The following VAC14 variants were observed in gnomAD, a reference collection of about 807,000 sequenced individuals.
VAC14 encodes the protein VAC14 component of PIKFYVE complex, also known as protein VAC14 homolog.
In VAC14, 47 loss-of-function variants were observed where a neutral mutation model predicts 85.3. The ratio of observed to expected loss-of-function variants is 0.55; its 90% CI spans 0.44 to 0.70. VAC14 has a LOEUF of 0.70. VAC14 is among the 30% of genes least tolerant of loss of function. VAC14 has a pLI of 0.00. For missense variants in VAC14, 861 were observed against 1,004.3 expected, an observed-to-expected ratio of 0.86 and a Z score of 1.93; for synonymous variants, 447 against 430.5, an observed-to-expected ratio of 1.04 and a Z score of -0.47.
intron 13 of VAC14, among the ~76,000 whole-genome samples, chr16:70,739,460 C>T (rs1183638236): frequency 6.6e-6 from 1 of 152,216 alleles, no homozygotes; most frequent in Non-Finnish European, 1.5e-5. Context: ...AGAGATGCCC[C>T]CATCACTGCC....
At position 70,786,250 on chromosome 16, in the gene VAC14, T is replaced by C; in HGVS notation, c.220A>G (p.Ile74Val). The change falls in exon 2 of 19, where the codon ATC (isoleucine) becomes GTC (valine). Residue 74 changes from isoleucine to valine, a missense_variant. Ile to Val is a conservative substitution (Grantham distance 29). Transcript: ENST00000261776. ...GCGATGGAGCAGGCGGCCAGGCCGA[T>C]GAGGCCCCCTTTCCGGCTGTGGGGG... ...QHPHSRKGGL[I>V]GLAACSIALG... is the part of the protein sequence containing the mutation. The C allele has an allele frequency of 6.2e-7, 1 of 1,614,234 alleles. No individual in the cohort carries two copies. Among genetic ancestry groups the C allele is most frequent in the Non-Finnish European group, 8.5e-7 (1 of 1,180,036 alleles).
intron 7 of VAC14, among the ~76,000 whole-genome samples, chr16:70,782,623 A>G (rs1222737719): frequency 6.6e-6 from 1 of 152,266 alleles, no homozygotes; most frequent in Admixed American, 6.5e-5. Flanking sequence ...GGAACCACCC[A>G]GGTGACCCAC....
intron 14 of VAC14, among the ~76,000 whole-genome samples, chr16:70,717,264 C>T (rs991061293): frequency 1.3e-5 from 2 of 152,166 alleles, no homozygotes; most frequent in Admixed American, 6.5e-5. Flanking sequence ...CCGAGAGGGC[C>T]GGAGCGAGCC....
Position 70,721,112 on chromosome 16 carries a change from G to C in VAC14, c.1661+10383C>G, listed in dbSNP as rs1321478879. Among the ~76,000 whole-genome samples, 3 of 152,226 alleles carry C rather than the reference G, an allele frequency of 2.0e-5. No individual in the cohort carries two copies. In the East Asian group the frequency reaches 5.8e-4, roughly 29 times the overall value. On this transcript the variant is annotated intron_variant, in intron 14 of 18. Coordinates refer to ENST00000261776, the MANE Select transcript of VAC14 (RefSeq NM_018052.5). ...GAGTCAAAAGGGAGATTCAGACCTG[G>C]AGAGATGTTCACCGTCAAAGTGCCA...
chr16:70,699,834 G>A (rs1052497611), intron 14 of VAC14: 1 of 152,312 alleles, frequency 6.6e-6, no homozygotes, highest in African/African-American at 2.4e-5. Flanking sequence ...TGAGAGGGTG[G>A]TGTGCAGCAC....
intron 9 of VAC14, among the ~76,000 whole-genome samples, chr16:70,778,242 C>A (rs570257732): frequency 3.3e-5 from 5 of 152,154 alleles, no homozygotes; most frequent in Non-Finnish European, 7.3e-5. Context: ...CCGGGCCTCC[C>A]GCGTGGCAGG....
intron 13 of VAC14, among the ~76,000 whole-genome samples, chr16:70,738,300 G>T (rs550084131): frequency 6.6e-6 from 1 of 152,208 alleles, no homozygotes; most frequent in East Asian, 1.9e-4. Flanking sequence ...GCACCAACTC[G>T]GGAACCCACT....
Position 70,762,665 on chromosome 16 carries a change from A to G in VAC14, c.1306-60T>C, listed in dbSNP as rs2032496271. 3 of 1,572,776 alleles carry G rather than the reference A, an allele frequency of 1.9e-6. No homozygotes were observed. Among genetic ancestry groups the G allele is most frequent in the Admixed American group, 1.7e-5 (1 of 58,564 alleles). ...CTCCCTTCGCCCCGGGACTACGTGC[A>G]GTGCAGTGTCCCGCTGGTGTGCACG... On this transcript the variant is annotated intron_variant, in intron 11 of 18. Transcript: ENST00000261776. The surrounding 1 kb of genome is among the most constrained non-coding windows in gnomAD (Gnocchi z 4.1).
intron 12 of VAC14, among the ~76,000 whole-genome samples, chr16:70,753,031 T>C (rs1471210993): frequency 2.0e-5 from 3 of 151,836 alleles, no homozygotes; most frequent in Non-Finnish European, 4.4e-5. Flanking sequence ...TGTGTGTGTG[T>C]GTGTGTGTGT....
rs759682589 is a variant in VAC14, at chr16:70,698,761, T to C, written c.1712A>G (p.Asp571Gly). The C allele has an allele frequency of 6.2e-7, 1 of 1,614,166 alleles. No homozygotes were observed. The highest frequency in any genetic ancestry group is 1.7e-5 in the Admixed American group (1 of 60,030). ...GAGGTCCTCCTCCCGCAGCAGGATG[T>C]CTGCCATTGAGTGGAAGATGTTCTC... ...NAENIFHSMADILLREEDLKF... is the reference protein window; with the variant it reads ...NAENIFHSMAGILLREEDLKF... Residue 571 changes from aspartate to glycine, a missense_variant, in exon 15 of 19, where the codon GAC becomes GGC. Physicochemically the swap from Asp to Gly is moderately conservative, Grantham distance 94. Around this residue, in one of 3 missense-constraint regions of VAC14, gnomAD observed 69 missense variants for 139.0 expected, o/e 0.50. Coordinates refer to ENST00000261776, the MANE Select transcript of VAC14 (RefSeq NM_018052.5).
In VAC14 at chr16:70,786,216, T is replaced by C; in HGVS notation, c.254A>G (p.Lys85Arg). ...CTGTCCCTTGGGTGAAAGGCCCACC[T>C]TGCCCAGTGCGATGGAGCAGGCGGC... ...GLAACSIALG[K>R]DSGLYLKELI... The change falls in exon 2 of 19, where the codon AAG becomes AGG. Residue 85 changes from lysine to arginine, a missense_variant and splice_region_variant. Lys to Arg is a conservative substitution (Grantham distance 26). This residue lies in a region of VAC14 where 629 missense variants were observed against 703.1 expected (regional missense o/e 0.89). Coordinates refer to ENST00000261776, the MANE Select transcript of VAC14 (RefSeq NM_018052.5). 1 of 1,613,978 alleles carries C rather than the reference T, an allele frequency of 6.2e-7. No homozygotes were observed. Among genetic ancestry groups the C allele is most frequent in the Non-Finnish European group, 8.5e-7 (1 of 1,179,942 alleles).
At chr16:70,689,462 C>G in intron 18 of VAC14, 1 of 945,104 alleles carries the variant, frequency 1.1e-6, no homozygotes, top group Non-Finnish European at 1.2e-6. Flanking sequence ...CAGAGCCTGA[C>G]AGTTGCTTCA....
chr16:70,691,612 G>A (rs1339674840), intron 18 of VAC14: 5 of 985,386 alleles, frequency 5.1e-6, no homozygotes, highest in Non-Finnish European at 6.0e-6. Flanking sequence ...GAGCAGCTGG[G>A]GTGGCAACCG....
At chr16:70,692,673 G>GT (rs1460777057) in intron 18 of VAC14, 148 bp downstream of exon 18, 2 of 1,074,446 alleles carry the variant, frequency 1.9e-6, no homozygotes, top group African/African-American at 1.6e-5. Flanking sequence ...AGTGGCTGCG[G>GT]GGGGGATGGT....
intron 15 of VAC14, among the ~76,000 whole-genome samples, 170 bp downstream of exon 15, chr16:70,698,467 G>A (rs903029596): frequency 8.5e-5 from 13 of 152,182 alleles, no homozygotes; most frequent in Non-Finnish European, 1.2e-4. Flanking sequence ...TTAGTGCTGC[G>A]CAGCCACTCA....
rs115757176 is a variant in VAC14 at position 70,703,865 on chromosome 16, T to C, written c.1662-5054A>G. ...ACAGCCTTGCCCATGAACATTCCCT[T>C]TGGGGCAGCCTCCAAGGCCAAGGCT... On this transcript the variant is annotated intron_variant, in intron 14 of 18. Coordinates refer to ENST00000261776, the MANE Select transcript of VAC14 (RefSeq NM_018052.5). Among the ~76,000 whole-genome samples the C allele has an allele frequency of 5.7e-3, 873 of 152,302 alleles. 7 individuals carry two copies. The highest frequency in any genetic ancestry group is 0.02 in the African/African-American group (824 of 41,568).
At chr16:70,722,434 T>C (rs1400874697) in intron 14 of VAC14, among the ~76,000 whole-genome samples, 1 of 152,244 alleles carries the variant, frequency 6.6e-6, no homozygotes, top group African/African-American at 2.4e-5. Context: ...ACAAACCGCA[T>C]GCAGCAGAAA....
intron 1 of VAC14, among the ~76,000 whole-genome samples, chr16:70,797,904 A>C (rs1298796970): frequency 6.6e-6 from 1 of 152,140 alleles, no homozygotes; most frequent in African/African-American, 2.4e-5. Flanking sequence ...AAGCATCCTG[A>C]GGCCCCGCCA....
In VAC14 at chr16:70,785,860, G is replaced by A. The variant is rs140398947; in HGVS notation, c.265C>T (p.Leu89Phe). ...CSIALGKDSG[L>F]YLKELIEPVL... ...GGCTCGATCAGCTCCTTCAGGTAGA[G>A]CCCTGAGTCCTGCAAGGAGGCAGGA... is the stretch of plus-strand genomic sequence containing the variant. The change falls in exon 3 of 19, where the codon CTC (leucine) becomes TTC (phenylalanine). Residue 89 changes from leucine to phenylalanine, a missense_variant. By Grantham distance (22) the Leu-to-Phe change is conservative (BLOSUM62 0). Around this residue, in one of 3 missense-constraint regions of VAC14, gnomAD observed 629 missense variants for 703.1 expected, o/e 0.89. Transcript: ENST00000261776. 1.0e-3 allele frequency: 1,637 copies of A among 1,604,634 alleles called. 9 individuals carry two copies. Among genetic ancestry groups the A allele is most frequent in the Non-Finnish European group, 4.8e-4 (565 of 1,174,958 alleles).
Sources: allele counts gnomAD v4.1 joint callset (sites outside exome capture counted in the v4.1 genomes callset), GRCh38; gene constraint gnomAD v4.1.1; regional missense constraint gnomAD v4.1.1; non-coding constraint Gnocchi (gnomAD v3.1); transcripts MANE v1.5; gene names NCBI Gene and HGNC (gene_info 2026-07-23, HGNC 2026-07-21).